Variants in EFCAB5 observed in about 807,000 individuals in gnomAD.
The protein encoded by EFCAB5 is EF-hand calcium-binding domain-containing protein 5.
A neutral mutation model predicts 167.9 loss-of-function variants in EFCAB5; 131 were observed. That is an observed-to-expected ratio of 0.78 (90% CI 0.68 to 0.90). The LOEUF (loss-of-function observed/expected upper bound fraction) is 0.90, where lower values mean the gene tolerates loss of function less well. Among genes scored for constraint, EFCAB5 ranks in the 40% least tolerant of loss-of-function variants. EFCAB5 has a pLI of 0.00. For synonymous variants in EFCAB5, 574 were observed against 602.8 expected (o/e 0.95, Z 0.70); for missense variants, 1,663 against 1,745.2 (o/e 0.95, Z 0.84).
At chr17:30,085,282 C>A (rs972855299) in intron 18 of EFCAB5, among the ~76,000 whole-genome samples, 1 of 152,206 alleles carries the variant, frequency 6.6e-6, no homozygotes, top group Non-Finnish European at 1.5e-5. Context: ...GATTCAAATT[C>A]TCTTAGGTAT....
chr17:30,053,763 T>C lies in EFCAB5; in HGVS notation c.1809T>C (p.Val603=). Residue 603 remains valine, a synonymous_variant, in exon 10 of 23, where the codon GTT becomes GTC. Coordinates refer to ENST00000394835, the MANE Select transcript of EFCAB5 (RefSeq NM_198529.4). ...VSEQGSSRES[V]AEQGSRRESI... is the part of the protein sequence containing the mutation. ...AACAAGGATCAAGCAGAGAGTCAGT[T>C]GCAGAACAAGGGTCACGCAGAGAGT... 1 of 1,613,842 alleles carries C rather than the reference T, an allele frequency of 6.2e-7. No individual in the cohort carries two copies. The highest frequency in any genetic ancestry group is 1.1e-5 in the South Asian group (1 of 91,074).
Position 30,080,852 on chromosome 17 carries a change from T to TAATG in EFCAB5, c.3298_3301dup (p.Gly1101GlufsTer23). 3.7e-6 allele frequency: 6 copies of TAATG among 1,613,898 alleles called. No homozygotes were observed. Among genetic ancestry groups the TAATG allele is most frequent in the Non-Finnish European group, 5.1e-6 (6 of 1,179,848 alleles). On this transcript the variant is annotated frameshift_variant, in exon 17 of 23. Coordinates refer to ENST00000394835, the MANE Select transcript of EFCAB5 (RefSeq NM_198529.4). LOFTEE classifies it high-confidence loss of function. ...ACCAGTCCCGTAATAAGCATGATTA[T>TAATG]AATGGTTCATTCCTGGCTCTGCCTC...
At chr17:29,980,362 G>A (rs909408654) in intron 4 of EFCAB5, among the ~76,000 whole-genome samples, 1 of 152,148 alleles carries the variant, frequency 6.6e-6, no homozygotes, top group Non-Finnish European at 1.5e-5. Flanking sequence ...TTTATCAAAA[G>A]CAGTTGTCCG....
intron 5 of EFCAB5, among the ~76,000 whole-genome samples, chr17:29,993,841 G>A (rs1470452186): frequency 6.6e-6 from 1 of 152,018 alleles, no homozygotes; most frequent in Non-Finnish European, 1.5e-5. Flanking sequence ...ATATCTGGTT[G>A]GGTGTGGTGG....
At chr17:30,036,459 T>C (rs1375436956) in intron 8 of EFCAB5, among the ~76,000 whole-genome samples, 3 of 149,730 alleles carry the variant, frequency 2.0e-5, no homozygotes, top group African/African-American at 7.4e-5. Context: ...AGACAGAGCC[T>C]CACTCTATCA....
At chr17:29,967,177 TG>T (rs1315354232) in intron 3 of EFCAB5, among the ~76,000 whole-genome samples, 1 of 152,230 alleles carries the variant, frequency 6.6e-6, no homozygotes. Flanking sequence ...AATTTAGTCA[TG>T]GGGATGATTT....
intron 14 of EFCAB5, chr17:30,068,611 C>G: frequency 6.9e-7 from 1 of 1,455,304 alleles, no homozygotes; most frequent in Non-Finnish European, 9.1e-7. Context: ...CCTTGTGGGG[C>G]TGCCTGTGCG....
chr17:29,993,253 A>C lies in EFCAB5; in HGVS notation c.856A>C (p.Lys286Gln). The C allele has an allele frequency of 6.2e-7, 1 of 1,613,966 alleles. No homozygotes were observed. The highest frequency in any genetic ancestry group is 8.5e-7 in the Non-Finnish European group (1 of 1,179,858). Residue 286 changes from lysine to glutamine, a missense_variant, in exon 5 of 23, where the codon AAA becomes CAA. Transcript: ENST00000394835. ...CATAGTCAAGGTGGCCAACACACGG[A>C]AACAGGCTCTGCAGGAGCAATTCGA... ...KIIVKVANTR[K>Q]QALQEQFDEW... is the part of the protein sequence containing the mutation.
At position 30,053,559 on chromosome 17, in the gene EFCAB5, G is replaced by A; in HGVS notation, c.1605G>A (p.Glu535=). ...EQQQGKKPTA[E]QELYIESVIE... is the part of the protein sequence containing the mutation. Reference sequence around the variant, plus strand: ...AACAAGGCAAAAAGCCAACTGCAGAGCAAGAACTGTACATAGAATCAGTAA... The same window carrying A: ...AACAAGGCAAAAAGCCAACTGCAGAACAAGAACTGTACATAGAATCAGTAA... The change falls in exon 10 of 23, where the codon GAG becomes GAA. Residue 535 remains glutamate (E), a synonymous_variant. Transcript: ENST00000394835. 6.2e-7 allele frequency: 1 copy of A among 1,613,828 alleles called. No homozygotes were observed. The highest frequency in any genetic ancestry group is 8.5e-7 in the Non-Finnish European group (1 of 1,179,850).
chr17:30,069,145 C>T, intron 14 of EFCAB5: 1 of 1,541,164 alleles, frequency 6.5e-7, no homozygotes. Flanking sequence ...GGAACCAGAA[C>T]CAAATGCAAA....
chr17:30,022,964 G>C (rs1443141227), intron 7 of EFCAB5, among the ~76,000 whole-genome samples: 2 of 152,086 alleles, frequency 1.3e-5, no homozygotes, highest in South Asian at 4.2e-4. Context: ...CAGAAATAAA[G>C]ATGTTCTTTG....
intron 13 of EFCAB5, 148 bp downstream of exon 13, chr17:30,058,038 T>C: frequency 2.9e-6 from 2 of 686,418 alleles, no homozygotes; most frequent in Non-Finnish European, 4.7e-6. Flanking sequence ...TTAAAGATTC[T>C]ATTTTATCAT....
upstream of EFCAB5, among the ~76,000 whole-genome samples, chr17:29,937,498 T>C (rs576819698): frequency 6.6e-6 from 1 of 152,276 alleles, no homozygotes; most frequent in African/African-American, 2.4e-5. Context: ...CACTCCTGCT[T>C]CTTTCAGATC....
At chr17:30,086,544 G>A (rs1303707105) in intron 18 of EFCAB5, among the ~76,000 whole-genome samples, 6 of 151,530 alleles carry the variant, frequency 4.0e-5, no homozygotes, top group East Asian at 1.9e-4. Context: ...TCAGGAGTTC[G>A]AGACCAGCCT....
chr17:29,978,960 G>C (rs1032890665), intron 4 of EFCAB5, among the ~76,000 whole-genome samples: 1 of 152,132 alleles, frequency 6.6e-6, no homozygotes, highest in Non-Finnish European at 1.5e-5. Context: ...CAGGGGGGAT[G>C]GGGGGAGTGG....
At chr17:30,068,833 G>A (rs1047331326) in intron 14 of EFCAB5, 1 of 1,404,438 alleles carries the variant, frequency 7.1e-7, no homozygotes, top group African/African-American at 1.4e-5. Context: ...TTTTCTTCTG[G>A]AACACAGGAA....
At chr17:30,055,322 G>GAGGAAGGAAGGAAGGAAGGAAGGA (rs71138869) in intron 10 of EFCAB5, among the ~76,000 whole-genome samples, 6 of 106,734 alleles carry the variant, frequency 5.6e-5, no homozygotes, top group African/African-American at 1.1e-4. Context: ...GAGAGAGAGA[G>GAGGAAGGAAGGAAGGAAGGAAGGA]AGGAAGGAAG....
chr17:30,058,986 G>GAAAAA (rs200455600), intron 13 of EFCAB5: 1 of 121,168 alleles, frequency 8.3e-6, no homozygotes, highest in Non-Finnish European at 1.8e-5. Flanking sequence ...GAATAAATTT[G>GAAAAA]AAAAAAAAAA....
At chr17:29,946,213 A>G (rs1457373948) in intron 3 of EFCAB5, among the ~76,000 whole-genome samples, 1 of 152,204 alleles carries the variant, frequency 6.6e-6, no homozygotes. Flanking sequence ...ACAAATGGCC[A>G]ATGAACATGT....
Sources: allele counts gnomAD v4.1 joint callset (sites outside exome capture counted in the v4.1 genomes callset), GRCh38; gene constraint gnomAD v4.1.1; transcripts MANE v1.5; gene names NCBI Gene and HGNC (gene_info 2026-07-23, HGNC 2026-07-21).